The following FIBCD1 variants were observed in gnomAD, a reference collection of about 807,000 sequenced individuals.
FIBCD1 encodes the protein fibrinogen C domain-containing protein 1.
A neutral mutation model predicts 45.1 loss-of-function variants in FIBCD1; 47 were observed. The ratio of observed to expected loss-of-function variants is 1.04; its 90% CI spans 0.82 to 1.33. The LOEUF is 1.33. Among genes scored for constraint, FIBCD1 ranks in the 40% most tolerant of loss-of-function variants. FIBCD1 has a pLI of 0.00. For synonymous variants in FIBCD1, 313 were observed against 308.1 expected (o/e 1.02, Z -0.17); for missense variants, 653 against 682.2 (o/e 0.96, Z 0.48).
chr9:130,940,535 G>A (rs531563439), upstream of FIBCD1, among the ~76,000 whole-genome samples: 22 of 152,244 alleles, frequency 1.4e-4, no homozygotes, highest in Non-Finnish European at 2.5e-4. Flanking sequence ...CTCAGACTTG[G>A]GAAGAAGGAT....
At chr9:130,924,867 T>C (rs1310337171) in intron 2 of FIBCD1, among the ~76,000 whole-genome samples, 3 of 152,158 alleles carry the variant, frequency 2.0e-5, no homozygotes, top group Admixed American at 6.5e-5. Context: ...GCCAAACTGC[T>C]ATGGGGACCA....
intron 5 of FIBCD1, among the ~76,000 whole-genome samples, chr9:130,910,516 C>T (rs1031462631): frequency 7.2e-5 from 11 of 152,256 alleles, no homozygotes; most frequent in African/African-American, 2.7e-4. Context: ...AGGCACACGG[C>T]GCGGGACTGG....
chr9:130,918,305 G>C (rs909686945), intron 4 of FIBCD1, among the ~76,000 whole-genome samples: 2 of 152,200 alleles, frequency 1.3e-5, no homozygotes, highest in African/African-American at 4.8e-5. Context: ...AGGAGGACAT[G>C]CCTGGCTGAA....
chr9:130,932,492 A>G (rs1312266824), intron 1 of FIBCD1, among the ~76,000 whole-genome samples: 1 of 152,186 alleles, frequency 6.6e-6, no homozygotes, highest in Non-Finnish European at 1.5e-5. Context: ...ACCCAAATGC[A>G]CAGTTCCCCT....
intron 5 of FIBCD1, among the ~76,000 whole-genome samples, chr9:130,907,952 CTT>C: frequency 7.2e-6 from 1 of 139,162 alleles, no homozygotes; most frequent in East Asian, 2.1e-4. Context: ...ATAGAGGAGA[CTT>C]AAAAAAAAAA....
chr9:130,929,146 C>A (rs1832404506), intron 2 of FIBCD1, among the ~76,000 whole-genome samples: 1 of 152,068 alleles, frequency 6.6e-6, no homozygotes. Flanking sequence ...AGATGGGGTG[C>A]GGCTCTGAGG....
intron 6 of FIBCD1, 125 bp downstream of exon 6, chr9:130,905,109 A>AT: frequency 1.1e-6 from 1 of 937,860 alleles, no homozygotes; most frequent in Non-Finnish European, 1.5e-6. Context: ...TTTTTCAAAA[A>AT]CCTGATTACT....
intron 5 of FIBCD1, among the ~76,000 whole-genome samples, chr9:130,911,559 A>T: frequency 6.6e-6 from 1 of 152,248 alleles, no homozygotes; most frequent in East Asian, 1.9e-4. Context: ...TGGGACCCTC[A>T]GCCTTTATGA....
rs548331231 is a variant in FIBCD1 at position 130,925,249 on chromosome 9, G to C, written c.553-853C>G. Reference sequence around the variant, plus strand: ...AGGTTGTCATCTCTTGTGACAAATGGAGAAACTGAGGCCCCGAAAGAGCAA... The same window carrying C: ...AGGTTGTCATCTCTTGTGACAAATGCAGAAACTGAGGCCCCGAAAGAGCAA... On this transcript the variant is annotated intron_variant, in intron 2 of 6. Coordinates refer to ENST00000372338, the MANE Select transcript of FIBCD1 (RefSeq NM_032843.5). 3.9e-4 allele frequency among the ~76,000 whole-genome samples: 60 copies of C among 152,306 alleles called. 1 individual carries two copies. In the South Asian group the frequency reaches 0.012, roughly 31 times the overall value.
chr9:130,915,005 C>T (rs897752989), intron 4 of FIBCD1, among the ~76,000 whole-genome samples: 6 of 152,242 alleles, frequency 3.9e-5, no homozygotes, highest in Admixed American at 1.3e-4. Flanking sequence ...CAGCAAAAAG[C>T]GGGGGCCGAC....
intron 4 of FIBCD1, among the ~76,000 whole-genome samples, chr9:130,921,427 T>C (rs1832259406): frequency 6.6e-6 from 1 of 152,154 alleles, no homozygotes; most frequent in African/African-American, 2.4e-5. Flanking sequence ...GAGGCCCAAA[T>C]GGATATTAAT....
Position 130,922,168 on chromosome 9 carries a change from C to A in FIBCD1, c.849+1576G>T, listed in dbSNP as rs1588109848. ...AGCCCTTCCCCCAGATGTTTGTGGG[C>A]CTGGACATCAATACACCAAAAATAG... On this transcript the variant is annotated intron_variant, in intron 4 of 6. Transcript: ENST00000372338. This position sits in a 1 kb window ranked among gnomAD's most constrained non-coding sequence, Gnocchi z 4.5. Among the ~76,000 whole-genome samples, 2 of 152,334 alleles carry A rather than the reference C, an allele frequency of 1.3e-5. No individual in the cohort carries two copies. Among genetic ancestry groups the A allele is most frequent in the Middle Eastern group, 6.8e-3 (2 of 294 alleles).
intron 1 of FIBCD1, among the ~76,000 whole-genome samples, chr9:130,932,661 G>A (rs1421307791): frequency 6.6e-6 from 1 of 152,184 alleles, no homozygotes; most frequent in African/African-American, 2.4e-5. Context: ...ACTCCCCCCA[G>A]CTTGGAGGGG....
At chr9:130,924,030 TC>T in intron 3 of FIBCD1, 150 bp from the exon 4 acceptor site, 2 of 1,351,304 alleles carry the variant, frequency 1.5e-6, no homozygotes, top group Non-Finnish European at 2.0e-6. Flanking sequence ...GCTCTGCCAC[TC>T]CCTGCTGTGG....
intron 3 of FIBCD1, 140 bp downstream of exon 3, chr9:130,924,097 C>G (rs2314027): frequency 7.8e-7 from 1 of 1,288,590 alleles, no homozygotes; most frequent in African/African-American, 1.5e-5. Context: ...GAGAATGGAC[C>G]GAGAGGGCTT....
rs193148385 is a variant in FIBCD1, at chr9:130,915,532, G to A, written c.850-3644C>T. 2.0e-3 allele frequency among the ~76,000 whole-genome samples: 300 copies of A among 152,172 alleles called. 1 individual carries two copies. Among genetic ancestry groups the A allele is most frequent in the African/African-American group, 6.8e-3 (284 of 41,540 alleles). On this transcript the variant is annotated intron_variant, in intron 4 of 6. Transcript: ENST00000372338. ...AGCCTGGCCAACACGGTGAAACCCC[G>A]TCTCTACTAAAAATACAAAAATTAG...
intron 5 of FIBCD1, among the ~76,000 whole-genome samples, chr9:130,908,483 G>C (rs1831975478): frequency 2.0e-5 from 3 of 152,190 alleles, no homozygotes; most frequent in African/African-American, 4.8e-5. Context: ...CTGAGGCAGG[G>C]TCTCCCCATC....
rs780867280 is a variant in FIBCD1 at position 130,911,808 on chromosome 9, G to T, written c.930C>A (p.Thr310=). ...DAYRDGFGRL[T]GEHWLGLKRI... ...GGTGCTCACCTAGCCAGTGCTCCCC[G>T]GTGAGCCTGCCAAAGCCGTCTCGGT... Residue 310 remains threonine, a synonymous_variant, in exon 5 of 7, where the codon ACC becomes ACA. Coordinates refer to ENST00000372338, the MANE Select transcript of FIBCD1 (RefSeq NM_032843.5). 6.2e-7 allele frequency: 1 copy of T among 1,602,940 alleles called. No individual in the cohort carries two copies. Among genetic ancestry groups the T allele is most frequent in the Non-Finnish European group, 8.5e-7 (1 of 1,175,656 alleles).
At position 130,938,734 on chromosome 9, in the gene FIBCD1, G is replaced by C. The variant is rs1438916049; in HGVS notation, c.-127C>G. ...CCGGGTCCCCGCCTCTGTGCCCCGC[G>C]CCGGGGCGGCCCGGGAGCGGGCGGG... On this transcript the variant is annotated 5_prime_UTR_variant, in exon 1 of 7. Transcript: ENST00000372338. 1 of 366,588 alleles carries C rather than the reference G, an allele frequency of 2.7e-6. No individual in the cohort carries two copies. Among genetic ancestry groups the C allele is most frequent in the East Asian group, 1.2e-4 (1 of 8,168 alleles). 22.7% of individuals were successfully genotyped at this position (366,588 alleles called of 1,614,324 possible). A position where few individuals can be genotyped will look rare whatever the true frequency, so the allele number is the denominator to read the frequency against.
Sources: allele counts gnomAD v4.1 joint callset (sites outside exome capture counted in the v4.1 genomes callset), GRCh38; gene constraint gnomAD v4.1.1; non-coding constraint Gnocchi (gnomAD v3.1); transcripts MANE v1.5; gene names NCBI Gene and HGNC (gene_info 2026-07-23, HGNC 2026-07-21).